PTPRN2: variants seen among roughly 807,000 people sequenced by gnomAD.
The protein encoded by PTPRN2 is protein tyrosine phosphatase receptor type N2, also known as receptor-type tyrosine-protein phosphatase N2.
A neutral mutation model predicts 118.8 loss-of-function variants in PTPRN2; 74 were observed. That is an observed-to-expected ratio of 0.62 (90% CI 0.52 to 0.76). PTPRN2 has a LOEUF of 0.76. Among genes scored for constraint, PTPRN2 ranks in the 30% least tolerant of loss-of-function variants. The probability of loss-of-function intolerance (pLI) is 0.00; values close to 1 mark genes in which losing one functional copy is unlikely to be tolerated. For missense variants in PTPRN2, 1,481 were observed against 1,394.4 expected (o/e 1.06, Z -0.99); for synonymous variants, 641 against 608.0 (o/e 1.05, Z -0.80).
intron 11 of PTPRN2, among the ~76,000 whole-genome samples, chr7:157,927,186 G>A (rs74528788): frequency 0.095 from 3,180 of 33,472 alleles, 309 homozygotes; most frequent in Non-Finnish European, 0.13. Flanking sequence ...CAGAGGCCTC[G>A]CGTCTTCTGG....
intron 2 of PTPRN2, among the ~76,000 whole-genome samples, chr7:158,484,328 G>A (rs563878908): frequency 2.4e-4 from 36 of 152,124 alleles, no homozygotes; most frequent in African/African-American, 8.7e-4. Context: ...TGTCTCTACC[G>A]ACTTACCTCT....
chr7:158,266,072 C>T (rs79955697), intron 3 of PTPRN2, among the ~76,000 whole-genome samples: 34,232 of 129,188 alleles, frequency 0.26, 1,307 homozygotes, highest in African/African-American at 0.33. Flanking sequence ...GCGTCTGCTG[C>T]GGGGTATTGT....
At chr7:158,562,031 A>G (rs1827422843) in intron 1 of PTPRN2, among the ~76,000 whole-genome samples, 3 of 152,164 alleles carry the variant, frequency 2.0e-5, no homozygotes, top group African/African-American at 4.8e-5. Flanking sequence ...CAATGAACAC[A>G]TGTCTTTTGA....
intron 12 of PTPRN2, among the ~76,000 whole-genome samples, chr7:157,755,231 T>G (rs1423354169): frequency 6.6e-6 from 1 of 152,198 alleles, no homozygotes; most frequent in Non-Finnish European, 1.5e-5. Context: ...GATGTAAATA[T>G]GTAAATATTG....
intron 1 of PTPRN2, among the ~76,000 whole-genome samples, chr7:158,490,240 C>T (rs1821346405): frequency 6.6e-6 from 1 of 152,230 alleles, no homozygotes; most frequent in African/African-American, 2.4e-5. Context: ...CGCGGGGAGC[C>T]CGGCTGCGTG....
chr7:158,149,462 A>T (rs747810931), intron 6 of PTPRN2, among the ~76,000 whole-genome samples: 4 of 151,392 alleles, frequency 2.6e-5, no homozygotes, highest in Non-Finnish European at 4.4e-5. Context: ...AAAAATCCTT[A>T]TTTTTAATCT....
chr7:157,739,580 G>A (rs1018843503), intron 12 of PTPRN2: 2 of 152,264 alleles, frequency 1.3e-5, no homozygotes, highest in African/African-American at 4.8e-5. Flanking sequence ...CAGGCAGAGT[G>A]ACACCTGTGC....
At position 158,192,360 on chromosome 7, in the gene PTPRN2, C is replaced by T; in HGVS notation, c.516G>A (p.Arg172=). 6.6e-7 allele frequency: 1 copy of T among 1,520,896 alleles called. No homozygotes were observed. 94.2% of individuals were successfully genotyped at this position (1,520,896 alleles called of 1,614,324 possible). The change falls in exon 5 of 23, where the codon AGG becomes AGA. Residue 172 remains arginine (R), a synonymous_variant. Coordinates refer to ENST00000389418, the MANE Select transcript of PTPRN2 (RefSeq NM_002847.5). ...SQAPASDVLA[R]THTAQDRPPA... ...GGGGTCTGTCCTGCGCCGTATGGGT[C>T]CTGGCGAGCACGTCTGAGGCTGGGG...
At chr7:158,071,697 G>GTGGTGGAGTTGCTCC in intron 11 of PTPRN2, among the ~76,000 whole-genome samples, 1 of 116,106 alleles carries the variant, frequency 8.6e-6, no homozygotes. Flanking sequence ...GGAGGTGCTT[G>GTGGTGGAGTTGCTCC]TGGTGGAGGT....
chr7:157,740,324 C>G (rs1800549297), intron 12 of PTPRN2: 1 of 152,272 alleles, frequency 6.6e-6, no homozygotes, highest in Admixed American at 6.5e-5. Context: ...ACCAGAGAAC[C>G]AGCAAGGTCA....
intron 12 of PTPRN2, among the ~76,000 whole-genome samples, chr7:157,727,853 C>T (rs1252856263): frequency 1.3e-5 from 2 of 152,186 alleles, no homozygotes; most frequent in Non-Finnish European, 2.9e-5. Context: ...GCAGCCCCTG[C>T]CCTTGGACCC....
At chr7:158,186,385 C>T (rs1054145798) in intron 5 of PTPRN2, among the ~76,000 whole-genome samples, 9 of 152,250 alleles carry the variant, frequency 5.9e-5, no homozygotes, top group Admixed American at 1.3e-4. Flanking sequence ...GGGGCTCACT[C>T]ATGTGGTCGG....
At chr7:158,204,729 C>A (rs1826980862) in intron 4 of PTPRN2, among the ~76,000 whole-genome samples, 1 of 152,096 alleles carries the variant, frequency 6.6e-6, no homozygotes, top group African/African-American at 2.4e-5. Context: ...TTAGTAATTA[C>A]CACATAGTTT....
chr7:157,920,103 C>T (rs1175356998), intron 11 of PTPRN2, among the ~76,000 whole-genome samples: 1 of 152,070 alleles, frequency 6.6e-6, no homozygotes, highest in African/African-American at 2.4e-5. Flanking sequence ...GACGAAATTG[C>T]CAGATGAAAC....
At chr7:158,168,098 A>C (rs367793730) in intron 5 of PTPRN2, among the ~76,000 whole-genome samples, 10 of 152,328 alleles carry the variant, frequency 6.6e-5, no homozygotes, top group African/African-American at 1.7e-4. Context: ...CACCACAAAC[A>C]ATCTCACCAG....
chr7:158,314,349 A>G (rs1280559668), intron 3 of PTPRN2, among the ~76,000 whole-genome samples: 1 of 152,266 alleles, frequency 6.6e-6, no homozygotes, highest in East Asian at 1.9e-4. Flanking sequence ...ACACAGAGTA[A>G]GGCTCACAAG....
At chr7:157,954,008 T>C (rs998210660) in intron 11 of PTPRN2, among the ~76,000 whole-genome samples, 3 of 152,216 alleles carry the variant, frequency 2.0e-5, no homozygotes, top group Admixed American at 6.5e-5. Context: ...CAGGTTCGTA[T>C]CTGAGGCTGC....
chr7:158,347,508 T>A (rs1431863500), intron 2 of PTPRN2, among the ~76,000 whole-genome samples: 1 of 152,254 alleles, frequency 6.6e-6, no homozygotes, highest in Non-Finnish European at 1.5e-5. Context: ...TATTATAGTT[T>A]CATAGTATAT....
In PTPRN2 at chr7:157,787,015, C is replaced by G. The variant is rs75463509; in HGVS notation, c.1789-104078G>C. Among the ~76,000 whole-genome samples the G allele has an allele frequency of 1.3e-5, 2 of 151,018 alleles. No individual in the cohort carries two copies. The highest frequency in any genetic ancestry group is 4.9e-5 in the African/African-American group (2 of 41,178). On this transcript the variant is annotated intron_variant, in intron 12 of 22. Coordinates refer to ENST00000389418, the MANE Select transcript of PTPRN2 (RefSeq NM_002847.5). The surrounding 1 kb of genome is among the most constrained non-coding windows in gnomAD (Gnocchi z 5.3). ...CTGGGACAGCTTGAGGGGCAGGAGG[C>G]GGACACAGGTGCGGCGGGGGACGCG...
Sources: allele counts gnomAD v4.1 joint callset (sites outside exome capture counted in the v4.1 genomes callset), GRCh38; gene constraint gnomAD v4.1.1; non-coding constraint Gnocchi (gnomAD v3.1); transcripts MANE v1.5; gene names NCBI Gene and HGNC (gene_info 2026-07-23, HGNC 2026-07-21).